STARD13: variants seen among roughly 807,000 people sequenced by gnomAD.
STARD13 encodes StAR related lipid transfer domain containing 13.
STARD13 carries 62 observed loss-of-function variants against 106.4 expected under a neutral mutation model. The ratio of observed to expected loss-of-function variants is 0.58; its 90% CI spans 0.48 to 0.72. The LOEUF is 0.72. Among genes scored for constraint, STARD13 ranks in the 30% least tolerant of loss-of-function variants. STARD13 has a pLI of 0.00. For missense variants in STARD13, 1,387 were observed against 1,424.0 expected, an observed-to-expected ratio of 0.97 and a Z score of 0.42; for synonymous variants, 565 against 553.0, an observed-to-expected ratio of 1.02 and a Z score of -0.31.
At chr13:33,328,428 G>A (rs1317489037) in intron 1 of STARD13, among the ~76,000 whole-genome samples, 3 of 152,224 alleles carry the variant, frequency 2.0e-5, no homozygotes, top group South Asian at 4.1e-4. Flanking sequence ...AATAATGCAC[G>A]AGACGTGCTT....
chr13:33,161,180 T>C (rs1477018401), intron 3 of STARD13, among the ~76,000 whole-genome samples: 1 of 152,256 alleles, frequency 6.6e-6, no homozygotes, highest in African/African-American at 2.4e-5. Context: ...ACATGCTGTT[T>C]GATTTCATTT....
the STARD13 span, among the ~76,000 whole-genome samples, chr13:33,392,107 C>T: frequency 0.016 from 2,475 of 152,188 alleles, 84 homozygotes; most frequent in African/African-American, 0.057. Flanking sequence ...CCTGCAGATT[C>T]GTAATCTAGC....
At chr13:33,410,745 T>G in the STARD13 span, among the ~76,000 whole-genome samples, 1 of 152,210 alleles carries the variant, frequency 6.6e-6, no homozygotes, top group Admixed American at 6.5e-5. Flanking sequence ...CAAACTGCCC[T>G]GCGTTCATCT....
At chr13:33,111,416 TC>T (rs1378956277) in intron 10 of STARD13, among the ~76,000 whole-genome samples, 1 of 152,244 alleles carries the variant, frequency 6.6e-6, no homozygotes, top group Non-Finnish European at 1.5e-5. Context: ...TGTCATTGGT[TC>T]TTAGCAACAA....
At chr13:33,518,529 A>C in the STARD13 span, among the ~76,000 whole-genome samples, 1 of 151,990 alleles carries the variant, frequency 6.6e-6, no homozygotes, top group Non-Finnish European at 1.5e-5. Context: ...AGGAGACCTC[A>C]TTTTTGTTAT....
the STARD13 span, among the ~76,000 whole-genome samples, chr13:33,674,102 T>G: frequency 2.0e-5 from 3 of 152,146 alleles, no homozygotes; most frequent in East Asian, 5.8e-4. Context: ...TCAGATGATC[T>G]GCCCACCTTG....
At chr13:33,563,934 A>G in the STARD13 span, among the ~76,000 whole-genome samples, 1 of 147,562 alleles carries the variant, frequency 6.8e-6, no homozygotes, top group Non-Finnish European at 1.5e-5. Flanking sequence ...GCTCATGCCT[A>G]TAATCCCGGC....
chr13:33,584,261 G>T, the STARD13 span, among the ~76,000 whole-genome samples: 1 of 152,118 alleles, frequency 6.6e-6, no homozygotes, highest in African/African-American at 2.4e-5. Context: ...TGGCTCATGG[G>T]GTTCTGCAGA....
At chr13:33,223,066 G>T (rs749072626) in intron 1 of STARD13, among the ~76,000 whole-genome samples, 59 of 152,194 alleles carry the variant, frequency 3.9e-4, no homozygotes, top group Admixed American at 6.5e-5. Context: ...TCTGAAAACA[G>T]ACCACCTGTT....
chr13:33,154,909 ACT>A (rs1881765417), intron 3 of STARD13, among the ~76,000 whole-genome samples: 1 of 152,132 alleles, frequency 6.6e-6, no homozygotes, highest in East Asian at 1.9e-4. Flanking sequence ...CCTCACTCAC[ACT>A]GAGGCTTCTT....
At chr13:33,653,538 C>T in the STARD13 span, among the ~76,000 whole-genome samples, 1 of 151,978 alleles carries the variant, frequency 6.6e-6, no homozygotes, top group Non-Finnish European at 1.5e-5. Flanking sequence ...TCGAAATGGA[C>T]CAAATACCTA....
the STARD13 span, among the ~76,000 whole-genome samples, chr13:33,432,937 CAA>C: frequency 3.3e-5 from 5 of 152,090 alleles, no homozygotes; most frequent in Admixed American, 2.0e-4. Flanking sequence ...CTTAATAAAA[CAA>C]TATGCCATAA....
intron 1 of STARD13, chr13:33,206,105 G>T: frequency 3.0e-6 from 2 of 662,380 alleles, no homozygotes; most frequent in Non-Finnish European, 3.7e-6. Context: ...AAAACTCACA[G>T]CTGGATTTCC....
At chr13:33,553,050 A>T in the STARD13 span, among the ~76,000 whole-genome samples, 1 of 152,172 alleles carries the variant, frequency 6.6e-6, no homozygotes, top group Non-Finnish European at 1.5e-5. Context: ...AAGAAATAAA[A>T]CATTTTATTT....
chr13:33,541,530 C>T, the STARD13 span, among the ~76,000 whole-genome samples: 1 of 152,214 alleles, frequency 6.6e-6, no homozygotes, highest in African/African-American at 2.4e-5. Flanking sequence ...CCCAGACTAT[C>T]AAACGGTTTT....
At chr13:33,138,407 T>C (rs1300171662) in intron 4 of STARD13, 2 of 124,240 alleles carry the variant, frequency 1.6e-5, no homozygotes, top group East Asian at 2.3e-4. Context: ...CTCCACTGTT[T>C]GGCTTTTTTT....
chr13:33,509,714 G>A, the STARD13 span, among the ~76,000 whole-genome samples: 1 of 152,178 alleles, frequency 6.6e-6, no homozygotes, highest in African/African-American at 2.4e-5. Context: ...AATTAACAGA[G>A]CAACAGCCAA....
chr13:33,610,446 A>G, the STARD13 span, among the ~76,000 whole-genome samples: 1 of 152,252 alleles, frequency 6.6e-6, no homozygotes, highest in Admixed American at 6.5e-5. Context: ...ACAGGAGGAG[A>G]GAAGAATCAT....
chr13:33,462,971 G>A, the STARD13 span, among the ~76,000 whole-genome samples: 1 of 152,192 alleles, frequency 6.6e-6, no homozygotes, highest in Non-Finnish European at 1.5e-5. Context: ...TTGTTGGAAG[G>A]TTAGAGTCCC....
Sources: allele counts gnomAD v4.1 joint callset (sites outside exome capture counted in the v4.1 genomes callset), GRCh38; gene constraint gnomAD v4.1.1; transcripts MANE v1.5; gene names NCBI Gene and HGNC (gene_info 2026-07-23, HGNC 2026-07-21).